Variants in CABLES1 observed in about 807,000 individuals in gnomAD.
The protein encoded by CABLES1 is Cdk5 and Abl enzyme substrate 1, also known as CDK5 and ABL1 enzyme substrate 1.
In CABLES1, 36 loss-of-function variants were observed where a neutral mutation model predicts 57.8. The observed-to-expected ratio is 0.62, with a 90% confidence interval of 0.48 to 0.82. The LOEUF is 0.82. Among genes scored for constraint, CABLES1 ranks in the 40% least tolerant of loss-of-function variants. The pLI is 0.00. For synonymous variants in CABLES1, 374 were observed against 363.0 expected (o/e 1.03, Z -0.35); for missense variants, 767 against 836.6 (o/e 0.92, Z 1.03).
chr18:23,196,186 A>G (rs1233311586), intron 3 of CABLES1, among the ~76,000 whole-genome samples: 4 of 152,230 alleles, frequency 2.6e-5, no homozygotes, highest in Non-Finnish European at 5.9e-5. Context: ...AAAGCCCGCA[A>G]TTGCTGGCAG....
Position 23,136,243 on chromosome 18 carries a change from G to A in CABLES1, c.481G>A (p.Gly161Arg). The A allele has an allele frequency of 1.5e-6, 2 of 1,299,198 alleles. No homozygotes were observed. 80.5% of individuals were successfully genotyped at this position (1,299,198 alleles called of 1,614,324 possible). ...CGGCCATGCGACCGTGTCCGGCCCC[G>A]GGGTGGCGCGGGGGTTCGCGAGTCC... ...PGGHATVSGP[G>R]VARGFASPLG... Residue 161 changes from glycine to arginine, a missense_variant, in exon 1 of 10, where the codon GGG (glycine) becomes AGG (arginine). Physicochemically the swap from Gly to Arg is moderately radical, Grantham distance 125. Transcript: ENST00000256925.
At chr18:23,173,924 C>G (rs186117777) in intron 1 of CABLES1, among the ~76,000 whole-genome samples, 1 of 152,298 alleles carries the variant, frequency 6.6e-6, no homozygotes, top group Admixed American at 6.5e-5. Context: ...GATCGCACCA[C>G]TGCACTCCAG....
chr18:23,186,578 A>G (rs1270170365), intron 1 of CABLES1, among the ~76,000 whole-genome samples: 2 of 151,960 alleles, frequency 1.3e-5, no homozygotes, highest in Non-Finnish European at 2.9e-5. Context: ...AGCATGCACC[A>G]CCACACCTGG....
intron 1 of CABLES1, among the ~76,000 whole-genome samples, chr18:23,182,750 C>T (rs571968865): frequency 1.3e-5 from 2 of 152,356 alleles, no homozygotes; most frequent in African/African-American, 4.8e-5. Flanking sequence ...TGCCCACTGC[C>T]TCACGTTGTC....
intron 4 of CABLES1, among the ~76,000 whole-genome samples, chr18:23,217,069 TTTG>T (rs2047447524): frequency 6.6e-6 from 1 of 152,166 alleles, no homozygotes; most frequent in Admixed American, 6.5e-5. Context: ...GAGGGATTTT[TTTG>T]TTTTGTTTTT....
In CABLES1 at chr18:23,252,962, A is replaced by T. The variant is rs956946875; in HGVS notation, c.1449A>T (p.Thr483=). 2 of 1,604,966 alleles carry T rather than the reference A, an allele frequency of 1.2e-6. No individual in the cohort carries two copies. The highest frequency in any genetic ancestry group is 2.2e-5 in the South Asian group (2 of 90,892). The part of the protein sequence containing the change: ...KRVLIFPSYM[T]TVIDYVKPSD... ...CCGTGTTCCCCTGTCTGTTACAGAC[A>T]ACAGTGATTGACTACGTGAAGCCCT... Residue 483 remains threonine, a splice_region_variant and synonymous_variant, in exon 8 of 10, where the codon ACA becomes ACT. Coordinates refer to ENST00000256925, the MANE Select transcript of CABLES1 (RefSeq NM_001100619.3).
intron 7 of CABLES1, among the ~76,000 whole-genome samples, chr18:23,248,480 G>A (rs951494375): frequency 1.5e-4 from 22 of 145,880 alleles, no homozygotes; most frequent in Non-Finnish European, 2.5e-4. Flanking sequence ...AGGATTTAGC[G>A]TCCCACCTGG....
intron 1 of CABLES1, among the ~76,000 whole-genome samples, chr18:23,180,839 G>T (rs1018371677): frequency 1.3e-5 from 2 of 152,108 alleles, no homozygotes; most frequent in African/African-American, 2.4e-5. Flanking sequence ...TTATGTCTGT[G>T]GTGGGGGGAT....
At position 23,136,083 on chromosome 18, in the gene CABLES1, G is replaced by T. The variant is rs2046817850; in HGVS notation, c.321G>T (p.Arg107=). Reference sequence around the variant, plus strand: ...GCGGCGCCTGCGGCGCGAGGACTCGGTTCAGCTTGCTCGCCGCTGCCGAGC... The same window carrying T: ...GCGGCGCCTGCGGCGCGAGGACTCGTTTCAGCTTGCTCGCCGCTGCCGAGC... ...GAGGACGART[R]FSLLAAAERG... The change falls in exon 1 of 10, where the codon CGG becomes CGT. Residue 107 remains arginine (R), a synonymous_variant. Transcript: ENST00000256925. 2.5e-6 allele frequency: 3 copies of T among 1,177,716 alleles called. No individual in the cohort carries two copies. The Middle Eastern group carries it at 1.0e-3, about 401-fold the overall frequency. The allele number at this position is 1,177,716 out of a possible 1,614,324, so 73.0% of individuals were successfully genotyped here. A position where few individuals can be genotyped will look rare whatever the true frequency, so the allele number is the denominator to read the frequency against.
intron 4 of CABLES1, among the ~76,000 whole-genome samples, chr18:23,217,519 T>C (rs1474556270): frequency 6.6e-6 from 1 of 152,194 alleles, no homozygotes; most frequent in African/African-American, 2.4e-5. Flanking sequence ...CCAAATATTG[T>C]GATGTAGCAG....
chr18:23,141,815 C>A (rs1304625043), intron 1 of CABLES1, among the ~76,000 whole-genome samples: 1 of 152,214 alleles, frequency 6.6e-6, no homozygotes, highest in African/African-American at 2.4e-5. Context: ...GGCTCTGCGC[C>A]ACGTGCTCAG....
chr18:23,209,435 CACA>C (rs1309529371), intron 3 of CABLES1, among the ~76,000 whole-genome samples: 1 of 152,168 alleles, frequency 6.6e-6, no homozygotes, highest in Non-Finnish European at 1.5e-5. Flanking sequence ...CAGTTGAACC[CACA>C]ACATCAGCTT....
chr18:23,249,632 C>T (rs2145125421), intron 7 of CABLES1, among the ~76,000 whole-genome samples: 1 of 152,290 alleles, frequency 6.6e-6, no homozygotes, highest in South Asian at 2.1e-4. Flanking sequence ...TCAAGATAAA[C>T]CTGGGAAGCA....
At chr18:23,255,393 C>G (rs952207838) in intron 9 of CABLES1, among the ~76,000 whole-genome samples, 1 of 152,002 alleles carries the variant, frequency 6.6e-6, no homozygotes, top group Non-Finnish European at 1.5e-5. Flanking sequence ...GTAGGTACTC[C>G]CCAATTGAAA....
intron 4 of CABLES1, among the ~76,000 whole-genome samples, chr18:23,229,604 A>G (rs969095461): frequency 4.6e-5 from 7 of 152,350 alleles, no homozygotes; most frequent in Admixed American, 1.3e-4. Context: ...AGATATTTCT[A>G]TTTTTAATAT....
At chr18:23,223,579 GA>G (rs1164603815) in intron 4 of CABLES1, among the ~76,000 whole-genome samples, 6,241 of 71,882 alleles carry the variant, frequency 0.087, 392 homozygotes, top group Admixed American at 0.31. Context: ...CTCCGTCTCA[GA>G]AAAAAAAAAA....
intron 1 of CABLES1, among the ~76,000 whole-genome samples, chr18:23,151,498 G>T (rs1295205157): frequency 6.6e-6 from 1 of 152,230 alleles, no homozygotes; most frequent in Admixed American, 6.5e-5. Flanking sequence ...CTTGGAGGTA[G>T]AGCTGATAGA....
rs2046815062 is a variant in CABLES1 at position 23,135,868 on chromosome 18, C to G, written c.106C>G (p.Gln36Glu). The change falls in exon 1 of 10, where the codon CAG becomes GAG. Residue 36 changes from glutamine to glutamate, a missense_variant. This residue lies in a region of CABLES1 where 198 missense variants were observed against 149.7 expected (regional missense o/e 1.32). Coordinates refer to ENST00000256925, the MANE Select transcript of CABLES1 (RefSeq NM_001100619.3). Reference protein sequence around the residue: ...SGLQQPPPQPQPQPAAAAPAQ... With the variant: ...SGLQQPPPQPEPQPAAAAPAQ... ...ATTGCAGCAGCCGCCGCCGCAGCCCCAGCCTCAGCCCGCGGCCGCCGCGCC... is the reference window on the plus strand; with the variant it reads ...ATTGCAGCAGCCGCCGCCGCAGCCCGAGCCTCAGCCCGCGGCCGCCGCGCC... The G allele has an allele frequency of 9.7e-7, 1 of 1,027,062 alleles. No individual in the cohort carries two copies. The highest frequency in any genetic ancestry group is 1.2e-6 in the Non-Finnish European group (1 of 859,340). The allele number at this position is 1,027,062 out of a possible 1,614,324, so 63.6% of individuals were successfully genotyped here.
chr18:23,232,343 G>A (rs1258432444), intron 4 of CABLES1, among the ~76,000 whole-genome samples: 1 of 152,228 alleles, frequency 6.6e-6, no homozygotes. Context: ...AAAGTAGGAA[G>A]CCCATGGAAC....
Sources: allele counts gnomAD v4.1 joint callset (sites outside exome capture counted in the v4.1 genomes callset), GRCh38; gene constraint gnomAD v4.1.1; regional missense constraint gnomAD v4.1.1; transcripts MANE v1.5; gene names NCBI Gene and HGNC (gene_info 2026-07-23, HGNC 2026-07-21).